ZMYM2: variants seen among roughly 807,000 people sequenced by gnomAD.
The protein encoded by ZMYM2 is zinc finger MYM-type protein 2.
A neutral mutation model predicts 162.8 loss-of-function variants in ZMYM2; 56 were observed. That is an observed-to-expected ratio of 0.34 (90% CI 0.28 to 0.43). The LOEUF (loss-of-function observed/expected upper bound fraction) is 0.43. Ranked by LOEUF, ZMYM2 falls within the 20% of genes least tolerant of loss-of-function variation. ZMYM2 has a pLI of 1.00. For synonymous variants in ZMYM2, 510 were observed against 541.6 expected, an observed-to-expected ratio of 0.94 and a Z score of 0.81; for missense variants, 1,275 against 1,621.8, an observed-to-expected ratio of 0.79 and a Z score of 3.67.
At chr13:20,036,076 G>C (rs1046377949) in intron 11 of ZMYM2, among the ~76,000 whole-genome samples, 3 of 152,040 alleles carry the variant, frequency 2.0e-5, no homozygotes, top group Admixed American at 6.6e-5. Flanking sequence ...GATTTTAGTA[G>C]ATAACATGTA....
the ZMYM2 span, among the ~76,000 whole-genome samples, chr13:19,885,842 T>C: frequency 1.7e-5 from 1 of 58,072 alleles, no homozygotes. Flanking sequence ...AGTGAAACTC[T>C]GTCTCAAAAA....
chr13:20,045,255 G>C (rs1954663397), intron 12 of ZMYM2, among the ~76,000 whole-genome samples: 1 of 152,080 alleles, frequency 6.6e-6, no homozygotes, highest in African/African-American at 2.4e-5. Flanking sequence ...AATTCACCAT[G>C]TTAACTAGCA....
intron 7 of ZMYM2, chr13:20,020,040 T>C (rs1951939934): frequency 6.4e-6 from 1 of 157,378 alleles, no homozygotes; most frequent in Non-Finnish European, 1.4e-5. Flanking sequence ...GTAATAAGTG[T>C]TTAAAATTAG....
At chr13:19,894,907 A>G in the ZMYM2 span, among the ~76,000 whole-genome samples, 1 of 151,572 alleles carries the variant, frequency 6.6e-6, no homozygotes, top group Non-Finnish European at 1.5e-5. Flanking sequence ...CCTGGCCAAC[A>G]TGGCAAAACC....
intron 2 of ZMYM2, among the ~76,000 whole-genome samples, chr13:19,972,805 A>G (rs898923215): frequency 2.0e-5 from 3 of 151,928 alleles, no homozygotes; most frequent in African/African-American, 7.3e-5. Context: ...CTTCTTCCAC[A>G]TTCTTCCCAA....
chr13:19,949,926 C>A, the ZMYM2 span, among the ~76,000 whole-genome samples: 42 of 13,696 alleles, frequency 3.1e-3, no homozygotes, highest in South Asian at 0.018. Context: ...AAGGAAGGAG[C>A]GAGAGAGAAA....
intron 2 of ZMYM2, among the ~76,000 whole-genome samples, chr13:19,965,903 C>T (rs1955718996): frequency 6.6e-6 from 1 of 151,278 alleles, no homozygotes; most frequent in South Asian, 2.1e-4. Flanking sequence ...CCTCAGCCTC[C>T]TGTGTAGCTG....
At chr13:20,035,699 C>T (rs17075306) in intron 11 of ZMYM2, among the ~76,000 whole-genome samples, 1,803 of 152,174 alleles carry the variant, frequency 0.012, 45 homozygotes, top group African/African-American at 0.041. Context: ...ACATTCAGAT[C>T]GGTAATAGCA....
the ZMYM2 span, among the ~76,000 whole-genome samples, chr13:19,881,038 G>A: frequency 1.9e-4 from 29 of 151,770 alleles, no homozygotes; most frequent in East Asian, 3.8e-3. Context: ...ACAGGCACGT[G>A]CCACCACGCC....
At chr13:19,923,385 G>T in the ZMYM2 span, among the ~76,000 whole-genome samples, 4 of 127,628 alleles carry the variant, frequency 3.1e-5, no homozygotes, top group African/African-American at 1.1e-4. Flanking sequence ...AAAAAAAAAG[G>T]AGAAAAAAAG....
At position 20,036,841 on chromosome 13, in the gene ZMYM2, C is replaced by A; in HGVS notation, c.2224C>A (p.Leu742Ile). 6.2e-7 allele frequency: 1 copy of A among 1,610,592 alleles called. No individual in the cohort carries two copies. Among genetic ancestry groups the A allele is most frequent in the Non-Finnish European group, 8.5e-7 (1 of 1,178,334 alleles). The change falls in exon 12 of 25, where the codon CTC becomes ATC. Residue 742 changes from leucine to isoleucine, a missense_variant. Coordinates refer to ENST00000610343, the MANE Select transcript of ZMYM2 (RefSeq NM_197968.4). ...QLCKKGATKE[L>I]DGVVRDFCSE... ...ATGTAAGAAGGGAGCAACTAAAGAACTCGATGGTGTTGTGAGAGATTTCTG... is the reference window on the plus strand; with the variant it reads ...ATGTAAGAAGGGAGCAACTAAAGAAATCGATGGTGTTGTGAGAGATTTCTG...
intron 12 of ZMYM2, among the ~76,000 whole-genome samples, chr13:20,044,876 C>G (rs896465224): frequency 6.6e-5 from 10 of 151,538 alleles, no homozygotes; most frequent in Non-Finnish European, 1.5e-4. Flanking sequence ...ATGGTAAAAC[C>G]CCGTCTCTAC....
the ZMYM2 span, among the ~76,000 whole-genome samples, chr13:19,871,631 A>G: frequency 2.6e-5 from 4 of 152,208 alleles, no homozygotes; most frequent in Non-Finnish European, 5.9e-5. Context: ...TGAAAAATCC[A>G]TAATTATGCT....
intron 2 of ZMYM2, among the ~76,000 whole-genome samples, chr13:19,981,946 A>T (rs929076180): frequency 6.6e-6 from 1 of 152,104 alleles, no homozygotes; most frequent in African/African-American, 2.4e-5. Flanking sequence ...ATCTGGGTGG[A>T]TGTTTGTTGG....
At position 20,067,282 on chromosome 13, in the gene ZMYM2, A is replaced by G. The variant is rs17075877; in HGVS notation, c.3345A>G (p.Thr1115=). Residue 1115 remains threonine (T), a synonymous_variant, in exon 21 of 25, where the codon ACA becomes ACG. Coordinates refer to ENST00000610343, the MANE Select transcript of ZMYM2 (RefSeq NM_197968.4). The part of the protein sequence containing the change: ...KLKEDLLSHT[T]AELNYGLAHF... ...AAGAGGATCTACTCTCTCACACCAC[A>G]GCTGAGCTTAACTATGGGTTAGCTC... 2.7e-3 allele frequency: 4,320 copies of G among 1,589,692 alleles called. 102 individuals are homozygous for G. In the African/African-American group the frequency reaches 0.049, roughly 18 times the overall value.
At chr13:19,911,472 C>T in the ZMYM2 span, among the ~76,000 whole-genome samples, 2 of 152,140 alleles carry the variant, frequency 1.3e-5, no homozygotes, top group African/African-American at 4.8e-5. Context: ...ACAATTGTTA[C>T]GCTTTCTTTT....
chr13:19,999,345 AT>A (rs1247155177), intron 3 of ZMYM2, among the ~76,000 whole-genome samples: 2 of 152,142 alleles, frequency 1.3e-5, no homozygotes, highest in Admixed American at 6.5e-5. Context: ...TCTGTTTCAC[AT>A]TTTGGTAATT....
At chr13:20,020,648 G>GGTATTGTTTT (rs1952004963) in intron 7 of ZMYM2, among the ~76,000 whole-genome samples, 1 of 151,498 alleles carries the variant, frequency 6.6e-6, no homozygotes, top group Non-Finnish European at 1.5e-5. Context: ...TTTGTTTTTT[G>GGTATTGTTTT]GTATTGTTTT....
the ZMYM2 span, among the ~76,000 whole-genome samples, chr13:19,867,151 G>A: frequency 6.6e-6 from 1 of 152,002 alleles, no homozygotes; most frequent in Non-Finnish European, 1.5e-5. Flanking sequence ...TCGGGAGTTC[G>A]AGACCAGCCT....
Sources: gnomAD v4.1 joint callset for allele counts (sites outside exome capture counted in the v4.1 genomes callset) on GRCh38, gnomAD v4.1.1 for gene constraint, MANE v1.5 for transcripts, NCBI Gene and HGNC (gene_info 2026-07-23, HGNC 2026-07-21) for gene names.